The following HEMK2 variants were observed in gnomAD, a reference collection of about 807,000 sequenced individuals.
HEMK2 encodes methyltransferase HEMK2.
At chr21:28,866,675 G>C in the HEMK2 span, among the ~76,000 whole-genome samples, 1 of 152,090 alleles carries the variant, frequency 6.6e-6, no homozygotes, top group African/African-American at 2.4e-5. Context: ...AGAGGTTGCA[G>C]TGAGCCAAAA....
At chr21:28,685,723 C>G in the HEMK2 span, among the ~76,000 whole-genome samples, 2 of 152,058 alleles carry the variant, frequency 1.3e-5, no homozygotes, top group African/African-American at 4.8e-5. Context: ...AAACTGAACT[C>G]AGCTTCAATT....
chr21:28,879,076 G>GTTTTTTTT, the HEMK2 span, among the ~76,000 whole-genome samples: 1 of 113,906 alleles, frequency 8.8e-6, no homozygotes, highest in Non-Finnish European at 1.8e-5. Context: ...ATTGTAGATT[G>GTTTTTTTT]TTTCTTTTTT....
chr21:28,588,982 CAAAAAAAA>C, the HEMK2 span, among the ~76,000 whole-genome samples: 1 of 107,320 alleles, frequency 9.3e-6, no homozygotes, highest in Admixed American at 9.4e-5. Context: ...GACACTGTCT[CAAAAAAAA>C]AAAAAAAAGA....
At chr21:28,776,705 T>A in the HEMK2 span, among the ~76,000 whole-genome samples, 1 of 151,956 alleles carries the variant, frequency 6.6e-6, no homozygotes, top group African/African-American at 2.4e-5. Flanking sequence ...GGCCTGAGAG[T>A]CCCTGGCAAA....
At chr21:28,643,672 A>C in the HEMK2 span, among the ~76,000 whole-genome samples, 1 of 152,110 alleles carries the variant, frequency 6.6e-6, no homozygotes, top group African/African-American at 2.4e-5. Context: ...AGTGACCAGT[A>C]AGCAGGTCCT....
chr21:28,867,730 T>A, the HEMK2 span, among the ~76,000 whole-genome samples: 2 of 152,200 alleles, frequency 1.3e-5, no homozygotes, highest in Non-Finnish European at 2.9e-5. Flanking sequence ...CTCCTTGGCC[T>A]CCCACAGTGC....
At chr21:28,866,522 C>G in the HEMK2 span, among the ~76,000 whole-genome samples, 2 of 152,032 alleles carry the variant, frequency 1.3e-5, no homozygotes, top group Admixed American at 1.3e-4. Context: ...AAACTCCCCT[C>G]TCTACTCAAA....
the HEMK2 span, among the ~76,000 whole-genome samples, chr21:28,745,056 G>GC: frequency 1.3e-5 from 2 of 152,132 alleles, no homozygotes; most frequent in East Asian, 3.8e-4. Flanking sequence ...ACATACAGTA[G>GC]CCACTATTGG....
At chr21:28,885,125 G>A in the HEMK2 span, 1 of 1,443,446 alleles carries the variant, frequency 6.9e-7, no homozygotes, top group East Asian at 2.6e-5. Context: ...GCTCAGGGCG[G>A]TGATAGTCAC....
the HEMK2 span, among the ~76,000 whole-genome samples, chr21:28,709,062 T>C: frequency 2.6e-5 from 4 of 152,156 alleles, no homozygotes; most frequent in East Asian, 1.9e-4. Context: ...TATCCTCACA[T>C]GGTGAAAAGA....
chr21:28,670,332 T>C, the HEMK2 span, among the ~76,000 whole-genome samples: 6 of 152,202 alleles, frequency 3.9e-5, no homozygotes, highest in African/African-American at 7.2e-5. Context: ...TAGTTTTATT[T>C]TGTAAAAATG....
the HEMK2 span, among the ~76,000 whole-genome samples, chr21:28,712,905 C>T: frequency 6.6e-6 from 1 of 152,160 alleles, no homozygotes; most frequent in Non-Finnish European, 1.5e-5. Context: ...GGCAAACCTA[C>T]TATTTTTGTG....
chr21:28,642,789 C>T, the HEMK2 span, among the ~76,000 whole-genome samples: 8 of 152,196 alleles, frequency 5.3e-5, no homozygotes, highest in African/African-American at 1.9e-4. Context: ...CTGACAGTTG[C>T]TTCTCTGCTC....
the HEMK2 span, among the ~76,000 whole-genome samples, chr21:28,621,785 A>G: frequency 3.9e-5 from 6 of 152,176 alleles, no homozygotes; most frequent in Non-Finnish European, 2.9e-5. Flanking sequence ...GTGGAATGTC[A>G]TCAGTTAAGG....
the HEMK2 span, among the ~76,000 whole-genome samples, chr21:28,733,622 A>C: frequency 1 from 152,257 of 152,262 alleles, 76,126 homozygotes; most frequent in Middle Eastern, 1. Flanking sequence ...AATGTTTTGA[A>C]TTAAGTTGCG....
chr21:28,620,766 C>A, the HEMK2 span, among the ~76,000 whole-genome samples: 1 of 146,256 alleles, frequency 6.8e-6, no homozygotes, highest in Non-Finnish European at 1.5e-5. Flanking sequence ...CTCCACCTCC[C>A]GTGTGCAAGA....
the HEMK2 span, among the ~76,000 whole-genome samples, chr21:28,604,070 C>T: frequency 8.3e-4 from 127 of 152,334 alleles, no homozygotes; most frequent in African/African-American, 2.7e-3. Flanking sequence ...GCAAGTCATC[C>T]TGGTTCAATC....
chr21:28,859,652 T>G, the HEMK2 span, among the ~76,000 whole-genome samples: 2 of 152,208 alleles, frequency 1.3e-5, no homozygotes, highest in Non-Finnish European at 2.9e-5. Flanking sequence ...TTGTGGTTAT[T>G]TATCTCTGAT....
the HEMK2 span, among the ~76,000 whole-genome samples, chr21:28,883,779 G>A: frequency 6.6e-6 from 1 of 152,122 alleles, no homozygotes; most frequent in African/African-American, 2.4e-5. Flanking sequence ...GAGTGCAGTG[G>A]TGCCATCACA....
Sources: allele counts gnomAD v4.1 joint callset (sites outside exome capture counted in the v4.1 genomes callset), GRCh38; gene constraint gnomAD v4.1.1; transcripts MANE v1.5; gene names NCBI Gene and HGNC (gene_info 2026-07-23, HGNC 2026-07-21).